FUT8: variants seen among roughly 807,000 people sequenced by gnomAD.
The protein encoded by FUT8 is alpha-(1,6)-fucosyltransferase.
In FUT8, 29 loss-of-function variants were observed where a neutral mutation model predicts 71.3. The observed-to-expected ratio is 0.41, with a 90% CI of 0.30 to 0.55. The LOEUF is 0.55. Ranked by LOEUF, FUT8 falls within the 20% of genes least tolerant of loss-of-function variation. FUT8 has a pLI of 0.34. For missense variants in FUT8, 544 were observed against 702.1 expected, an observed-to-expected ratio of 0.77 and a Z score of 2.55; for synonymous variants, 254 against 239.3, an observed-to-expected ratio of 1.06 and a Z score of -0.57.
At chr14:65,605,926 T>C (rs966490280) in intron 3 of FUT8, among the ~76,000 whole-genome samples, 1 of 151,950 alleles carries the variant, frequency 6.6e-6, no homozygotes, top group Non-Finnish European at 1.5e-5. Context: ...TTGTACATTT[T>C]TCTATTACAT....
At chr14:65,525,981 A>G (rs1340042933) in intron 2 of FUT8, among the ~76,000 whole-genome samples, 2 of 152,190 alleles carry the variant, frequency 1.3e-5, no homozygotes, top group African/African-American at 2.4e-5. Flanking sequence ...TTTACTTCCA[A>G]TTATGTGGTC....
At chr14:65,450,047 C>T (rs1389585235) in intron 1 of FUT8, among the ~76,000 whole-genome samples, 5 of 152,066 alleles carry the variant, frequency 3.3e-5, no homozygotes, top group African/African-American at 4.8e-5. Context: ...TTGGGTTCTT[C>T]TTCATTTCAT....
chr14:65,425,100 G>T (rs1232853807), intron 1 of FUT8, among the ~76,000 whole-genome samples: 1 of 151,708 alleles, frequency 6.6e-6, no homozygotes, highest in Admixed American at 6.6e-5. Context: ...AACCTGTGTT[G>T]TTCAAGTTTT....
intron 2 of FUT8, among the ~76,000 whole-genome samples, chr14:65,509,237 G>T (rs901218475): frequency 6.6e-6 from 1 of 151,838 alleles, no homozygotes; most frequent in Admixed American, 6.6e-5. Context: ...TTCACTGTAG[G>T]CGTGTGGATT....
intron 2 of FUT8, chr14:65,468,373 C>A: frequency 2.0e-6 from 1 of 510,112 alleles, no homozygotes; most frequent in South Asian, 1.7e-5. Context: ...GATGGTGGTT[C>A]CGGCCGAAAG....
chr14:65,644,799 A>G (rs1891045418), intron 6 of FUT8, among the ~76,000 whole-genome samples: 1 of 152,190 alleles, frequency 6.6e-6, no homozygotes, highest in Non-Finnish European at 1.5e-5. Flanking sequence ...TTCTATTTCA[A>G]GAAACCTTAT....
At chr14:65,636,434 C>G (rs1429424953) in intron 6 of FUT8, 1 of 151,970 alleles carries the variant, frequency 6.6e-6, no homozygotes, top group Non-Finnish European at 1.5e-5. Context: ...GGTGTGACCT[C>G]AGAATGTCAG....
At chr14:65,622,552 G>C (rs1225137546) in intron 5 of FUT8, among the ~76,000 whole-genome samples, 2 of 152,174 alleles carry the variant, frequency 1.3e-5, no homozygotes, top group African/African-American at 4.8e-5. Context: ...ATATATGATA[G>C]TATAAGCTAT....
chr14:65,401,358 C>G, the FUT8 span, among the ~76,000 whole-genome samples: 1 of 152,170 alleles, frequency 6.6e-6, no homozygotes, highest in African/African-American at 2.4e-5. Context: ...GTCCATAGCC[C>G]TTGCTGAAGG....
intron 7 of FUT8, among the ~76,000 whole-genome samples, chr14:65,682,097 C>T (rs1420362559): frequency 6.6e-6 from 1 of 152,164 alleles, no homozygotes; most frequent in Admixed American, 6.5e-5. Context: ...TAAAGAGAGT[C>T]CCTGTAACTC....
chr14:65,447,490 T>C (rs2065760712), intron 1 of FUT8, among the ~76,000 whole-genome samples: 1 of 152,132 alleles, frequency 6.6e-6, no homozygotes, highest in African/African-American at 2.4e-5. Context: ...TGGAAAGGAA[T>C]GTTTTGACAA....
intron 2 of FUT8, among the ~76,000 whole-genome samples, chr14:65,499,570 T>C (rs923153569): frequency 5.8e-4 from 88 of 152,100 alleles, no homozygotes; most frequent in African/African-American, 2.1e-3. Flanking sequence ...TCCCAACACT[T>C]TGGGAGGCCG....
At chr14:65,606,693 T>G (rs1306805066) in intron 3 of FUT8, among the ~76,000 whole-genome samples, 1 of 151,936 alleles carries the variant, frequency 6.6e-6, no homozygotes, top group Non-Finnish European at 1.5e-5. Flanking sequence ...CTGTTTCCAT[T>G]AGTAAAACTT....
At chr14:65,422,881 C>T (rs1267345778) in intron 1 of FUT8, among the ~76,000 whole-genome samples, 1 of 152,036 alleles carries the variant, frequency 6.6e-6, no homozygotes, top group Non-Finnish European at 1.5e-5. Context: ...TGATCTTGAA[C>T]TCCTGGCCTC....
chr14:65,433,905 C>T (rs578125758), intron 1 of FUT8, among the ~76,000 whole-genome samples: 9 of 152,162 alleles, frequency 5.9e-5, no homozygotes, highest in African/African-American at 2.2e-4. Flanking sequence ...CTCAAGCCGT[C>T]CTCCTGCTTC....
Position 65,603,268 on chromosome 14 carries a change from C to T in FUT8, c.204-12710C>T, listed in dbSNP as rs905308894. ...CACTTTATGTTTTTGTTTGCTTTGTCGAAGATCAGTTGGCTGTAAGTATTT... is the reference window on the plus strand; with the variant it reads ...CACTTTATGTTTTTGTTTGCTTTGTTGAAGATCAGTTGGCTGTAAGTATTT... On this transcript the variant is annotated intron_variant, in intron 3 of 10. Transcript: ENST00000673929. This position sits in a 1 kb window ranked among gnomAD's most constrained non-coding sequence, Gnocchi z 4.5. Among the ~76,000 whole-genome samples, 4 of 151,632 alleles carry T rather than the reference C, an allele frequency of 2.6e-5. No homozygotes were observed. The highest frequency in any genetic ancestry group is 4.8e-5 in the African/African-American group (2 of 41,324).
intron 1 of FUT8, among the ~76,000 whole-genome samples, chr14:65,452,619 C>T (rs2065844424): frequency 1.3e-5 from 2 of 152,168 alleles, no homozygotes; most frequent in African/African-American, 2.4e-5. Flanking sequence ...ATTCACAGAT[C>T]TGTAGAAATT....
At chr14:65,375,920 G>A in the FUT8 span, among the ~76,000 whole-genome samples, 15 of 133,782 alleles carry the variant, frequency 1.1e-4, no homozygotes, top group African/African-American at 2.6e-4. Flanking sequence ...GTGAAACTCC[G>A]TCTCTACAAA....
chr14:65,738,284 G>C (rs1896323117), intron 10 of FUT8, among the ~76,000 whole-genome samples: 1 of 151,988 alleles, frequency 6.6e-6, no homozygotes, highest in Non-Finnish European at 1.5e-5. Flanking sequence ...CTCACACTAG[G>C]ATATCCTCCT....
Sources: allele counts gnomAD v4.1 joint callset (sites outside exome capture counted in the v4.1 genomes callset), GRCh38; gene constraint gnomAD v4.1.1; non-coding constraint Gnocchi (gnomAD v3.1); transcripts MANE v1.5; gene names NCBI Gene and HGNC (gene_info 2026-07-23, HGNC 2026-07-21).